ANKS1B: variants seen among roughly 807,000 people sequenced by gnomAD.
ANKS1B encodes the protein ankyrin repeat and sterile alpha motif domain-containing protein 1B.
Under a neutral mutation model 148.3 loss-of-function variants are expected in ANKS1B, and 36 were observed. The observed-to-expected ratio is 0.24, with a 90% CI of 0.19 to 0.32. The LOEUF (loss-of-function observed/expected upper bound fraction) is 0.32. Among genes scored for constraint, ANKS1B ranks in the 10% least tolerant of loss-of-function variants. The probability of loss-of-function intolerance (pLI) is 1.00; values close to 1 mark genes in which losing one functional copy is unlikely to be tolerated. For missense variants in ANKS1B, 1,157 were observed against 1,542.6 expected (o/e 0.75, Z 4.19); for synonymous variants, 542 against 560.8 (o/e 0.97, Z 0.47).
intron 8 of ANKS1B, among the ~76,000 whole-genome samples, chr12:99,656,984 C>T (rs1173537968): frequency 1.3e-5 from 2 of 152,090 alleles, no homozygotes; most frequent in African/African-American, 4.8e-5. Context: ...TCTGCATTCA[C>T]ATTTTAACTT....
At chr12:99,479,296 T>C (rs541547343) in intron 10 of ANKS1B, among the ~76,000 whole-genome samples, 45 of 152,198 alleles carry the variant, frequency 3.0e-4, no homozygotes, top group African/African-American at 1.0e-3. Flanking sequence ...GACTTTGAAA[T>C]ATAACCATTT....
At chr12:99,358,545 A>AGG (rs1289358823) in intron 12 of ANKS1B, among the ~76,000 whole-genome samples, 5 of 151,974 alleles carry the variant, frequency 3.3e-5, no homozygotes, top group Non-Finnish European at 5.9e-5. Flanking sequence ...CATATTTAGT[A>AGG]GGGTCTTTAA....
chr12:99,262,538 A>C (rs949687747), intron 12 of ANKS1B, among the ~76,000 whole-genome samples: 4 of 152,018 alleles, frequency 2.6e-5, no homozygotes, highest in Non-Finnish European at 5.9e-5. Flanking sequence ...TATTAGTAAA[A>C]GTAAAGAGAG....
At chr12:99,903,259 G>T (rs1227796746) in intron 1 of ANKS1B, among the ~76,000 whole-genome samples, 1 of 152,138 alleles carries the variant, frequency 6.6e-6, no homozygotes, top group Non-Finnish European at 1.5e-5. Flanking sequence ...CAACTAACTG[G>T]TCTAGATGAA....
chr12:98,871,214 A>G (rs774251165), intron 17 of ANKS1B, among the ~76,000 whole-genome samples: 3 of 152,150 alleles, frequency 2.0e-5, no homozygotes, highest in Non-Finnish European at 4.4e-5. Flanking sequence ...AATCAATCCC[A>G]TTATGGCAAG....
At chr12:99,333,424 A>G (rs1179881797) in intron 12 of ANKS1B, among the ~76,000 whole-genome samples, 1 of 152,118 alleles carries the variant, frequency 6.6e-6, no homozygotes, top group African/African-American at 2.4e-5. Context: ...CCACAATTTC[A>G]TACATAAATC....
At chr12:99,465,913 G>C (rs1328670001) in intron 10 of ANKS1B, among the ~76,000 whole-genome samples, 1 of 152,020 alleles carries the variant, frequency 6.6e-6, no homozygotes, top group African/African-American at 2.4e-5. Flanking sequence ...GAATACCCAG[G>C]AATTGAACCC....
chr12:99,444,096 T>C (rs1425684053), intron 10 of ANKS1B, among the ~76,000 whole-genome samples: 1 of 152,006 alleles, frequency 6.6e-6, no homozygotes, highest in Non-Finnish European at 1.5e-5. Context: ...TTAAGACTGC[T>C]ACTACTATAT....
At chr12:99,690,674 T>C (rs529720522) in intron 8 of ANKS1B, among the ~76,000 whole-genome samples, 106 of 152,330 alleles carry the variant, frequency 7.0e-4, no homozygotes, top group African/African-American at 2.5e-3. Flanking sequence ...CCCATGGCCT[T>C]AGGCAGCTCC....
At chr12:99,207,211 G>A (rs563160418) in intron 14 of ANKS1B, among the ~76,000 whole-genome samples, 165 of 152,248 alleles carry the variant, frequency 1.1e-3, no homozygotes, top group Admixed American at 5.0e-3. Context: ...GCGATTTTCT[G>A]AACTACTTTA....
At chr12:99,614,019 T>C (rs1220162207) in intron 9 of ANKS1B, among the ~76,000 whole-genome samples, 1 of 150,492 alleles carries the variant, frequency 6.6e-6, no homozygotes, top group Non-Finnish European at 1.5e-5. Context: ...TGATTCCTAA[T>C]TTTTTTTTTC....
intron 15 of ANKS1B, among the ~76,000 whole-genome samples, chr12:99,101,633 C>G (rs940440814): frequency 6.6e-6 from 1 of 152,182 alleles, no homozygotes. Context: ...ATGATCTCGG[C>G]TCACTGCAAC....
chr12:99,351,045 A>G (rs937166858), intron 12 of ANKS1B, among the ~76,000 whole-genome samples: 1 of 152,150 alleles, frequency 6.6e-6, no homozygotes, highest in Non-Finnish European at 1.5e-5. Context: ...AAAATCACAA[A>G]GTGCTTTATC....
intron 15 of ANKS1B, among the ~76,000 whole-genome samples, chr12:99,126,726 G>A (rs1405146272): frequency 6.6e-6 from 1 of 152,098 alleles, no homozygotes; most frequent in Non-Finnish European, 1.5e-5. Context: ...GAGGAGTTTT[G>A]GAGTTGCTGT....
chr12:99,976,708 C>G (rs888520952), intron 1 of ANKS1B, among the ~76,000 whole-genome samples: 2 of 152,150 alleles, frequency 1.3e-5, no homozygotes, highest in Admixed American at 1.3e-4. Context: ...CATTTCACAA[C>G]TAGATCCATG....
intron 8 of ANKS1B, among the ~76,000 whole-genome samples, chr12:99,759,225 A>G (rs1347984799): frequency 6.6e-6 from 1 of 151,922 alleles, no homozygotes; most frequent in Non-Finnish European, 1.5e-5. Context: ...CAGCTTTAAA[A>G]AGCATAGATG....
rs540176371 is a variant in ANKS1B, at chr12:99,182,388, C to T, written c.2420-27993G>A. Among the ~76,000 whole-genome samples, 7 of 152,332 alleles carry T rather than the reference C, an allele frequency of 4.6e-5. No individual in the cohort carries two copies. In the South Asian group the frequency reaches 1.2e-3, roughly 27 times the overall value. On this transcript the variant is annotated intron_variant, in intron 14 of 26. Transcript: ENST00000683438. ...TGAGTTAAATTGTTTTAATTTGTAG[C>T]TCCCACAAATAAGTGAGAACATGCA... is the stretch of plus-strand genomic sequence containing the variant.
intron 14 of ANKS1B, among the ~76,000 whole-genome samples, chr12:99,229,918 A>G (rs1285206423): frequency 6.6e-6 from 1 of 151,988 alleles, no homozygotes; most frequent in Non-Finnish European, 1.5e-5. Context: ...CATCATTCCT[A>G]TCCTCAAGAC....
At chr12:99,310,164 T>C (rs1311657141) in intron 12 of ANKS1B, among the ~76,000 whole-genome samples, 4 of 152,116 alleles carry the variant, frequency 2.6e-5, no homozygotes, top group Admixed American at 6.6e-5. Context: ...TGACCAACCA[T>C]CCCTTAAGAA....
Sources: gnomAD v4.1 joint callset for allele counts (sites outside exome capture counted in the v4.1 genomes callset) on GRCh38, gnomAD v4.1.1 for gene constraint, MANE v1.5 for transcripts, NCBI Gene and HGNC (gene_info 2026-07-23, HGNC 2026-07-21) for gene names.